Variants in GNA12 observed in about 807,000 individuals in gnomAD.
The protein encoded by GNA12 is guanine nucleotide-binding protein subunit alpha-12.
A neutral mutation model predicts 26.0 loss-of-function variants in GNA12; 9 were observed. That is an observed-to-expected ratio of 0.35 (90% CI 0.21 to 0.60). The LOEUF (loss-of-function observed/expected upper bound fraction) is 0.60, where lower values mean the gene tolerates loss of function less well. Ranked by LOEUF, GNA12 falls within the 20% of genes least tolerant of loss-of-function variation. The pLI is 0.78. For synonymous variants in GNA12, 264 were observed against 219.6 expected, an observed-to-expected ratio of 1.20 and a Z score of -1.79; for missense variants, 405 against 525.8, an observed-to-expected ratio of 0.77 and a Z score of 2.25.
chr7:2,774,093 C>A (rs1313497283), intron 2 of GNA12, among the ~76,000 whole-genome samples: 1 of 152,132 alleles, frequency 6.6e-6, no homozygotes, highest in Non-Finnish European at 1.5e-5. Context: ...ACGGTCAGAA[C>A]TGGTTACTTC....
intron 2 of GNA12, among the ~76,000 whole-genome samples, chr7:2,755,004 G>T (rs1009490674): frequency 6.6e-6 from 1 of 152,174 alleles, no homozygotes; most frequent in African/African-American, 2.4e-5. Flanking sequence ...CTTCCCTACA[G>T]AGACAGTCCA....
chr7:2,772,891 T>C (rs1791984059), intron 2 of GNA12, among the ~76,000 whole-genome samples: 1 of 152,204 alleles, frequency 6.6e-6, no homozygotes, highest in Admixed American at 6.5e-5. Flanking sequence ...ACAAACACCA[T>C]GTCTGTGAAC....
intron 1 of GNA12, among the ~76,000 whole-genome samples, chr7:2,842,621 ATATGGC>A (rs1481579099): frequency 6.6e-6 from 1 of 152,198 alleles, no homozygotes; most frequent in Non-Finnish European, 1.5e-5. Context: ...TCTTTCACAA[ATATGGC>A]GAAGAGAAAA....
In GNA12 at chr7:2,751,244, A is replaced by G. The variant is rs532500415; in HGVS notation, c.526-17743T>C. Among the ~76,000 whole-genome samples the G allele has an allele frequency of 2.6e-5, 4 of 152,108 alleles. No homozygotes were observed. In the South Asian group the frequency reaches 8.3e-4, roughly 32 times the overall value. ...TCAAAAAAAACCCCAAAGTTAGCCGAGTATGTTGGCACATGCTTGTAGTCC... is the reference window on the plus strand; with the variant it reads ...TCAAAAAAAACCCCAAAGTTAGCCGGGTATGTTGGCACATGCTTGTAGTCC... On this transcript the variant is annotated intron_variant, in intron 2 of 3. Transcript: ENST00000275364.
At chr7:2,799,495 T>C (rs911371271) in intron 1 of GNA12, among the ~76,000 whole-genome samples, 4 of 152,132 alleles carry the variant, frequency 2.6e-5, no homozygotes, top group African/African-American at 4.8e-5. Flanking sequence ...GGCATGAAGA[T>C]AGCTTGAGCC....
intron 2 of GNA12, among the ~76,000 whole-genome samples, chr7:2,749,326 G>C (rs979941821): frequency 6.6e-6 from 1 of 152,124 alleles, no homozygotes; most frequent in African/African-American, 2.4e-5. Flanking sequence ...GAATACTATG[G>C]AGCCATAAAA....
intron 2 of GNA12, among the ~76,000 whole-genome samples, chr7:2,769,319 A>C (rs1288708234): frequency 6.6e-6 from 1 of 152,212 alleles, no homozygotes; most frequent in Non-Finnish European, 1.5e-5. Flanking sequence ...ACTACCATCA[A>C]CATTGCAGAA....
At chr7:2,817,498 C>T (rs1019035103) in intron 1 of GNA12, among the ~76,000 whole-genome samples, 7 of 152,350 alleles carry the variant, frequency 4.6e-5, no homozygotes, top group South Asian at 2.1e-4. Flanking sequence ...TCCACCTGCT[C>T]TCTCGCCCTC....
At chr7:2,833,795 G>A (rs146785923) in intron 1 of GNA12, among the ~76,000 whole-genome samples, 4 of 152,118 alleles carry the variant, frequency 2.6e-5, no homozygotes, top group South Asian at 2.1e-4. Flanking sequence ...CAAACCCGCC[G>A]CAGCATCAAG....
intron 1 of GNA12, among the ~76,000 whole-genome samples, chr7:2,801,953 C>T (rs900184232): frequency 6.6e-6 from 1 of 151,998 alleles, no homozygotes; most frequent in Non-Finnish European, 1.5e-5. Flanking sequence ...ACACTTTTAC[C>T]ATTGTTATAT....
chr7:2,793,881 C>CAA (rs71026557), intron 2 of GNA12, among the ~76,000 whole-genome samples: 71 of 95,734 alleles, frequency 7.4e-4, no homozygotes, highest in Admixed American at 9.9e-4. Flanking sequence ...GACTCCATCT[C>CAA]AAAAAAAAAA....
At chr7:2,814,437 T>G in intron 1 of GNA12, 1 of 1,065,776 alleles carries the variant, frequency 9.4e-7, no homozygotes, top group East Asian at 2.3e-5. Context: ...TAAAGACAAT[T>G]AGAGACATCA....
chr7:2,813,989 T>G (rs1055770097), intron 1 of GNA12, among the ~76,000 whole-genome samples: 1 of 151,476 alleles, frequency 6.6e-6, no homozygotes, highest in African/African-American at 2.4e-5. Flanking sequence ...GGAGGAGGAG[T>G]TCACCCCTCA....
At chr7:2,759,888 G>A (rs1482667334) in intron 2 of GNA12, among the ~76,000 whole-genome samples, 3 of 152,184 alleles carry the variant, frequency 2.0e-5, no homozygotes, top group African/African-American at 7.2e-5. Flanking sequence ...ACGGCCAGCT[G>A]AGGTCCTTTG....
intron 2 of GNA12, among the ~76,000 whole-genome samples, chr7:2,745,384 A>G (rs945291550): frequency 6.6e-6 from 1 of 152,232 alleles, no homozygotes; most frequent in Admixed American, 6.5e-5. Flanking sequence ...TAAAGAAAAT[A>G]ATTTTCAACC....
chr7:2,781,327 T>C (rs532076179), intron 2 of GNA12, among the ~76,000 whole-genome samples: 1 of 152,068 alleles, frequency 6.6e-6, no homozygotes, highest in Non-Finnish European at 1.5e-5. Flanking sequence ...TATGTGTATA[T>C]ACATACACAC....
At chr7:2,786,514 G>A (rs560697580) in intron 2 of GNA12, among the ~76,000 whole-genome samples, 1 of 152,250 alleles carries the variant, frequency 6.6e-6, no homozygotes, top group African/African-American at 2.4e-5. Flanking sequence ...TTACCAAGCT[G>A]GCAAAACTTA....
intron 2 of GNA12, among the ~76,000 whole-genome samples, chr7:2,787,489 C>T (rs1008831320): frequency 2.0e-5 from 3 of 152,228 alleles, no homozygotes; most frequent in African/African-American, 7.2e-5. Flanking sequence ...AGCCTGCTCC[C>T]GCCTAGGGGC....
rs190870884 is a variant in GNA12, at chr7:2,747,673, C to A, written c.526-14172G>T. On this transcript the variant is annotated intron_variant, in intron 2 of 3. Coordinates refer to ENST00000275364, the MANE Select transcript of GNA12 (RefSeq NM_007353.3). ...ATAGTGTTGGAAGTCCTAGGCAGGG[C>A]AATCAGGCAGGAGAAGGAAATAAAG... Among the ~76,000 whole-genome samples the A allele has an allele frequency of 6.2e-3, 944 of 152,232 alleles. 32 individuals carry two copies. Among genetic ancestry groups the A allele is most frequent in the Admixed American group, 0.058 (887 of 15,284 alleles).
Sources: gnomAD v4.1 joint callset for allele counts (sites outside exome capture counted in the v4.1 genomes callset) on GRCh38, gnomAD v4.1.1 for gene constraint, MANE v1.5 for transcripts, NCBI Gene and HGNC (gene_info 2026-07-23, HGNC 2026-07-21) for gene names.